DEFA1: variants seen among roughly 807,000 people sequenced by gnomAD.
DEFA1 encodes the protein defensin alpha 1, also known as neutrophil defensin 1.
rs553572871 is a variant in DEFA1, at chr8:6,979,744, A to T, written c.-13+269T>A. Reference sequence around the variant, plus strand: ...AAGGACCTAAATAGGTTTCTCTCAAAAGAATGTTCCAAAGACCTGTGATAG... The same window carrying T: ...AAGGACCTAAATAGGTTTCTCTCAATAGAATGTTCCAAAGACCTGTGATAG... On this transcript the variant is annotated intron_variant, in intron 1 of 2. Coordinates refer to ENST00000382692, the MANE Select transcript of DEFA1 (RefSeq NM_004084.4). 5.7e-3 allele frequency among the ~76,000 whole-genome samples: 778 copies of T among 136,382 alleles called. 2 individuals carry two copies. Among genetic ancestry groups the T allele is most frequent in the African/African-American group, 0.02 (738 of 36,754 alleles). 89.5% of individuals were successfully genotyped at this position (136,382 alleles called of 152,430 possible). A position where few individuals can be genotyped will look rare whatever the true frequency, so the allele number is the denominator to read the frequency against.
At chr8:6,979,717 C>T (rs1278658493) in intron 1 of DEFA1, among the ~76,000 whole-genome samples, 2 of 125,664 alleles carry the variant, frequency 1.6e-5, no homozygotes, top group Non-Finnish European at 3.4e-5. Context: ...GAAAAACAGA[C>T]CAAGGACCTA....
At chr8:6,979,700 C>T (rs1370189221) in intron 1 of DEFA1, among the ~76,000 whole-genome samples, 5 of 107,626 alleles carry the variant, frequency 4.6e-5, no homozygotes, top group Non-Finnish European at 9.5e-5. Context: ...AATCAAACAA[C>T]CTGATTGAAA....
At chr8:6,979,708 A>T (rs1219792213) in intron 1 of DEFA1, among the ~76,000 whole-genome samples, 4 of 111,718 alleles carry the variant, frequency 3.6e-5, no homozygotes, top group African/African-American at 1.4e-4. Flanking sequence ...AACCTGATTG[A>T]AAAACAGACC....
At chr8:6,979,896 C>A (rs1478581149) in intron 1 of DEFA1, 117 bp downstream of exon 1, 2 of 72,074 alleles carry the variant, frequency 2.8e-5, no homozygotes, top group African/African-American at 5.5e-5. Flanking sequence ...ACAGACGTTC[C>A]TAGCAGGGAT....
At position 6,980,051 on chromosome 8, in the gene DEFA1, C is replaced by G. The variant is rs1228992151; in HGVS notation, c.-51G>C. The G allele has an allele frequency of 2.4e-4, 20 of 84,268 alleles. No homozygotes were observed. The highest frequency in any genetic ancestry group is 3.6e-4 in the African/African-American group (7 of 19,416). 5.2% of individuals were successfully genotyped at this position (84,268 alleles called of 1,614,324 possible). ...AGGCAGGGTGACCAGAGAGGGCAGA[C>G]AGCAGTCCTCTGTCCCAGGTCTTCT... On this transcript the variant is annotated 5_prime_UTR_variant, in exon 1 of 3. Transcript: ENST00000382692.
intron 1 of DEFA1, among the ~76,000 whole-genome samples, chr8:6,979,710 A>C (rs1194227059): frequency 8.9e-6 from 1 of 112,146 alleles, no homozygotes; most frequent in African/African-American, 3.4e-5. Context: ...CCTGATTGAA[A>C]AACAGACCAA....
intron 1 of DEFA1, among the ~76,000 whole-genome samples, chr8:6,979,760 C>T (rs1445728123): frequency 2.2e-5 from 3 of 139,064 alleles, no homozygotes; most frequent in Non-Finnish European, 4.7e-5. Context: ...GTTCCAAAGA[C>T]CTGTGATAGT....
At chr8:6,979,645 G>A (rs1460146979) in intron 1 of DEFA1, among the ~76,000 whole-genome samples, 3 of 57,918 alleles carry the variant, frequency 5.2e-5, no homozygotes, top group Admixed American at 2.3e-4. Context: ...GGCCGAAGGG[G>A]CAAATATCTG....
chr8:6,979,814 G>C (rs576672015), intron 1 of DEFA1, among the ~76,000 whole-genome samples, 199 bp downstream of exon 1: 17 of 140,030 alleles, frequency 1.2e-4, no homozygotes, highest in South Asian at 2.4e-4. Context: ...TGTGTGTTTA[G>C]AAGGAAACTG....
chr8:6,979,752 T>C (rs1388640657), intron 1 of DEFA1, among the ~76,000 whole-genome samples: 1 of 137,688 alleles, frequency 7.3e-6, no homozygotes, highest in Non-Finnish European at 1.6e-5. Flanking sequence ...AAAAGAATGT[T>C]CCAAAGACCT....
intron 1 of DEFA1, among the ~76,000 whole-genome samples, chr8:6,979,623 C>A (rs1810320246): frequency 1.8e-5 from 1 of 55,524 alleles, no homozygotes; most frequent in Non-Finnish European, 3.3e-5. Context: ...AAAATATTTG[C>A]AAAACCTACA....
chr8:6,979,666 G>T (rs1810321247), intron 1 of DEFA1, among the ~76,000 whole-genome samples: 1 of 69,568 alleles, frequency 1.4e-5, no homozygotes. Context: ...AATACATAAG[G>T]AATTCCAACA....
chr8:6,979,762 T>C (rs562668563), intron 1 of DEFA1, among the ~76,000 whole-genome samples: 2,898 of 138,522 alleles, frequency 0.021, 45 homozygotes, highest in African/African-American at 0.071. Context: ...TCCAAAGACC[T>C]GTGATAGTCT....
intron 1 of DEFA1, among the ~76,000 whole-genome samples, 185 bp downstream of exon 1, chr8:6,979,828 G>C (rs1213782501): frequency 4.3e-5 from 6 of 138,720 alleles, no homozygotes; most frequent in Admixed American, 2.3e-4. Context: ...GAAACTGCTT[G>C]AGTTTCTCTA....
At position 6,979,593 on chromosome 8, in the gene DEFA1, G is replaced by T. The variant is rs1388222556; in HGVS notation, c.-13+420C>A. ...AAGGAAACAATCAACCGAGTGAAAAGATAACCCAGAAAATGAGAGAAAATA... is the reference window on the plus strand; with the variant it reads ...AAGGAAACAATCAACCGAGTGAAAATATAACCCAGAAAATGAGAGAAAATA... On this transcript the variant is annotated intron_variant, in intron 1 of 2. Coordinates refer to ENST00000382692, the MANE Select transcript of DEFA1 (RefSeq NM_004084.4). Among the ~76,000 whole-genome samples, 4 of 59,972 alleles carry T rather than the reference G, an allele frequency of 6.7e-5. No individual in the cohort carries two copies. The Admixed American group carries it at 8.6e-4, about 13-fold the overall frequency. 39.3% of individuals were successfully genotyped at this position (59,972 alleles called of 152,430 possible).
At position 6,979,741 on chromosome 8, in the gene DEFA1, C is replaced by G. The variant is rs533694536; in HGVS notation, c.-13+272G>C. On this transcript the variant is annotated intron_variant, in intron 1 of 2. Coordinates refer to ENST00000382692, the MANE Select transcript of DEFA1 (RefSeq NM_004084.4). The stretch of plus-strand genomic sequence containing the variant: ...ACCAAGGACCTAAATAGGTTTCTCT[C>G]AAAAGAATGTTCCAAAGACCTGTGA... Among the ~76,000 whole-genome samples, 883 of 135,406 alleles carry G rather than the reference C, an allele frequency of 6.5e-3. 24 individuals are homozygous for G. Among genetic ancestry groups the G allele is most frequent in the African/African-American group, 0.023 (838 of 36,346 alleles). The allele number at this position is 135,406 out of a possible 152,430, so 88.8% of individuals were successfully genotyped here. A position where few individuals can be genotyped will look rare whatever the true frequency, so the allele number is the denominator to read the frequency against.
At chr8:6,979,803 A>T (rs1466688858) in intron 1 of DEFA1, among the ~76,000 whole-genome samples, 2 of 141,148 alleles carry the variant, frequency 1.4e-5, no homozygotes, top group Non-Finnish European at 3.1e-5. Flanking sequence ...GACATGTGAC[A>T]TGTGTGTTTA....
At chr8:6,979,762 T>G (rs562668563) in intron 1 of DEFA1, among the ~76,000 whole-genome samples, 1 of 139,222 alleles carries the variant, frequency 7.2e-6, no homozygotes, top group African/African-American at 2.7e-5. Flanking sequence ...TCCAAAGACC[T>G]GTGATAGTCT....
Position 6,979,844 on chromosome 8 carries a change from T to A in DEFA1, c.-13+169A>T, listed in dbSNP as rs377457505. ...AAACTGCTTGAGTTTCTCTATTAAG[T>A]TAGCTGGAAGCCATCGTCCCCAGCA... is the stretch of plus-strand genomic sequence containing the variant. On this transcript the variant is annotated intron_variant, in intron 1 of 2. Coordinates refer to ENST00000382692, the MANE Select transcript of DEFA1 (RefSeq NM_004084.4). Among the ~76,000 whole-genome samples, 938 of 135,022 alleles carry A rather than the reference T, an allele frequency of 6.9e-3. 79 individuals carry two copies. The highest frequency in any genetic ancestry group is 0.015 in the Middle Eastern group (4 of 270). The allele number at this position is 135,022 out of a possible 152,430, so 88.6% of individuals were successfully genotyped here.
Sources: gnomAD v4.1 joint callset for allele counts (sites outside exome capture counted in the v4.1 genomes callset) on GRCh38, gnomAD v4.1.1 for gene constraint, MANE v1.5 for transcripts, NCBI Gene and HGNC (gene_info 2026-07-23, HGNC 2026-07-21) for gene names.